SGCD: variants seen among roughly 807,000 people sequenced by gnomAD.
SGCD encodes delta-sarcoglycan.
Under a neutral mutation model 36.6 loss-of-function variants are expected in SGCD, and 18 were observed. The observed-to-expected ratio is 0.49, with a 90% CI of 0.34 to 0.73. SGCD has a LOEUF of 0.73. Among genes scored for constraint, SGCD ranks in the 30% least tolerant of loss-of-function variants. The pLI is 0.01. For synonymous variants in SGCD, 133 were observed against 130.6 expected, an observed-to-expected ratio of 1.02 and a Z score of -0.12; for missense variants, 387 against 346.7, an observed-to-expected ratio of 1.12 and a Z score of -0.92.
At chr5:156,153,350 G>C (rs1007984163) in intron 3 of SGCD, among the ~76,000 whole-genome samples, 2 of 151,286 alleles carry the variant, frequency 1.3e-5, no homozygotes, top group African/African-American at 4.9e-5. Context: ...GTGGGCCTTG[G>C]TTTTAAATAA....
At chr5:156,535,744 G>A (rs933086047) in intron 4 of SGCD, among the ~76,000 whole-genome samples, 3 of 152,078 alleles carry the variant, frequency 2.0e-5, no homozygotes, top group Non-Finnish European at 2.9e-5. Context: ...GTTCAATTCT[G>A]TCTATATTTG....
At chr5:156,161,565 G>T (rs1763087698) in intron 3 of SGCD, among the ~76,000 whole-genome samples, 1 of 151,882 alleles carries the variant, frequency 6.6e-6, no homozygotes, top group Non-Finnish European at 1.5e-5. Context: ...CTGGTGAATT[G>T]CAGAAATAAA....
chr5:156,007,484 CTG>C (rs1341067498), intron 1 of SGCD, among the ~76,000 whole-genome samples: 1 of 152,208 alleles, frequency 6.6e-6, no homozygotes, highest in East Asian at 1.9e-4. Flanking sequence ...CTTCCAGAAA[CTG>C]TCACAGAGCC....
At chr5:155,825,651 A>G in the SGCD span, among the ~76,000 whole-genome samples, 1 of 151,942 alleles carries the variant, frequency 6.6e-6, no homozygotes, top group African/African-American at 2.4e-5. Flanking sequence ...TATTTTGTAC[A>G]CTGCTAATTT....
intron 3 of SGCD, among the ~76,000 whole-genome samples, chr5:156,433,902 T>G (rs1466967156): frequency 6.6e-6 from 1 of 152,220 alleles, no homozygotes; most frequent in Admixed American, 6.5e-5. Context: ...CCTTGTTGTC[T>G]CAATGTCCAA....
chr5:156,188,972 C>T (rs4704988), intron 3 of SGCD, among the ~76,000 whole-genome samples: 100,000 of 151,934 alleles, frequency 0.66, 33,363 homozygotes, highest in African/African-American at 0.77. Context: ...GGTAATCACT[C>T]TGTGGTTTTC....
At chr5:156,252,116 G>C (rs1392757164) in intron 3 of SGCD, among the ~76,000 whole-genome samples, 1 of 151,312 alleles carries the variant, frequency 6.6e-6, no homozygotes, top group East Asian at 1.9e-4. Flanking sequence ...TCCCAGACTG[G>C]AGTGCAATGG....
At chr5:156,709,064 A>G (rs918481502) in intron 7 of SGCD, among the ~76,000 whole-genome samples, 6 of 152,242 alleles carry the variant, frequency 3.9e-5, no homozygotes, top group South Asian at 4.2e-4. Flanking sequence ...CACAAAGGGA[A>G]ATTTATACCC....
At chr5:156,492,602 A>T (rs908327454) in intron 3 of SGCD, among the ~76,000 whole-genome samples, 1 of 152,170 alleles carries the variant, frequency 6.6e-6, no homozygotes, top group Non-Finnish European at 1.5e-5. Context: ...TCTGGGATAC[A>T]TGTGCAGAAC....
chr5:155,942,814 C>G (rs1197054634), intron 1 of SGCD, among the ~76,000 whole-genome samples: 1 of 151,994 alleles, frequency 6.6e-6, no homozygotes, highest in East Asian at 1.9e-4. Context: ...GGCAATAAAC[C>G]AAGGCAACCC....
At chr5:156,082,287 T>TATCATTAAAAA (rs1760975851) in intron 1 of SGCD, among the ~76,000 whole-genome samples, 3 of 34,736 alleles carry the variant, frequency 8.6e-5, no homozygotes, top group African/African-American at 1.1e-4. Context: ...GTCCAGGGGG[T>TATCATTAAAAA]GGGGGTAGTG....
At chr5:156,727,894 A>G (rs545988584) in intron 7 of SGCD, among the ~76,000 whole-genome samples, 6 of 152,362 alleles carry the variant, frequency 3.9e-5, no homozygotes, top group South Asian at 2.1e-4. Context: ...AAGAACAGGT[A>G]AAACTTTCCT....
intron 4 of SGCD, among the ~76,000 whole-genome samples, chr5:156,565,740 C>G (rs1286293204): frequency 6.6e-6 from 1 of 151,804 alleles, no homozygotes; most frequent in Non-Finnish European, 1.5e-5. Flanking sequence ...TGTTCCCCTT[C>G]CTGTGTCCAT....
the SGCD span, among the ~76,000 whole-genome samples, chr5:155,833,730 G>C: frequency 3.3e-5 from 5 of 152,190 alleles, no homozygotes; most frequent in Non-Finnish European, 7.3e-5. Flanking sequence ...TGCTTTTAGA[G>C]ACCCCCCTCA....
intron 1 of SGCD, among the ~76,000 whole-genome samples, chr5:156,078,996 A>G (rs565889307): frequency 1.2e-4 from 18 of 150,912 alleles, no homozygotes; most frequent in African/African-American, 4.2e-4. Flanking sequence ...GTATAAAGAA[A>G]TAGCTGAGAC....
At chr5:156,048,546 G>C (rs891142381) in intron 1 of SGCD, among the ~76,000 whole-genome samples, 18 of 152,124 alleles carry the variant, frequency 1.2e-4, no homozygotes, top group Non-Finnish European at 2.1e-4. Context: ...ATCTCATTGT[G>C]GTTTTGATTT....
At chr5:156,700,956 A>AAT (rs986669928) in intron 7 of SGCD, among the ~76,000 whole-genome samples, 1 of 151,412 alleles carries the variant, frequency 6.6e-6, no homozygotes, top group African/African-American at 2.4e-5. Flanking sequence ...AAAAAAAAAA[A>AAT]AAAGAGAGAG....
intron 1 of SGCD, among the ~76,000 whole-genome samples, chr5:155,996,893 A>ATAGATAGATAGG (rs1470266392): frequency 4.6e-5 from 7 of 151,986 alleles, no homozygotes; most frequent in Non-Finnish European, 1.0e-4. Context: ...AGATAGATAG[A>ATAGATAGATAGG]TAGATAGATA....
At chr5:156,190,211 G>A (rs192691893) in intron 3 of SGCD, among the ~76,000 whole-genome samples, 17 of 152,216 alleles carry the variant, frequency 1.1e-4, no homozygotes, top group Admixed American at 6.5e-4. Context: ...CAAACTATAA[G>A]TCCATACTCA....
Sources: allele counts gnomAD v4.1 joint callset (sites outside exome capture counted in the v4.1 genomes callset), GRCh38; gene constraint gnomAD v4.1.1; transcripts MANE v1.5; gene names NCBI Gene and HGNC (gene_info 2026-07-23, HGNC 2026-07-21).